The following VAV3 variants were observed in gnomAD, a reference collection of about 807,000 sequenced individuals.
The protein encoded by VAV3 is vav guanine nucleotide exchange factor 3, also known as guanine nucleotide exchange factor VAV3.
Under a neutral mutation model 131.2 loss-of-function variants are expected in VAV3, and 94 were observed. The ratio of observed to expected loss-of-function variants is 0.72; its 90% CI spans 0.61 to 0.85. The LOEUF is 0.85. VAV3 is among the 40% of genes least tolerant of loss of function. The pLI, the probability that VAV3 is intolerant of heterozygous loss-of-function variation, is 0.00. For missense variants in VAV3, 939 were observed against 1,002.7 expected, an observed-to-expected ratio of 0.94 and a Z score of 0.86; for synonymous variants, 349 against 342.0, an observed-to-expected ratio of 1.02 and a Z score of -0.22.
At chr1:107,901,268 TG>T (rs1671843290) in intron 1 of VAV3, among the ~76,000 whole-genome samples, 1 of 152,200 alleles carries the variant, frequency 6.6e-6, no homozygotes, top group Non-Finnish European at 1.5e-5. Flanking sequence ...TATTGGTTGG[TG>T]GTTCCTAAAT....
intron 15 of VAV3, among the ~76,000 whole-genome samples, chr1:107,732,346 T>C (rs1172625664): frequency 6.6e-6 from 1 of 152,178 alleles, no homozygotes; most frequent in Non-Finnish European, 1.5e-5. Context: ...ACCTGGTTCA[T>C]CTCACTGGGA....
intron 1 of VAV3, among the ~76,000 whole-genome samples, chr1:107,902,859 T>C (rs968844632): frequency 2.0e-5 from 3 of 152,206 alleles, no homozygotes; most frequent in African/African-American, 4.8e-5. Flanking sequence ...CATACCCGTA[T>C]TTGCCATAAC....
At chr1:107,688,490 AAAC>A in intron 17 of VAV3, 84 bp from the exon 18 acceptor site, 1 of 1,597,302 alleles carries the variant, frequency 6.3e-7, no homozygotes, top group Non-Finnish European at 8.5e-7. Context: ...CAGAGTGGTA[AAAC>A]ACCACTGCTT....
chr1:107,945,727 C>T (rs936330421), intron 1 of VAV3, among the ~76,000 whole-genome samples: 21 of 150,030 alleles, frequency 1.4e-4, no homozygotes, highest in South Asian at 1.3e-3. Context: ...GAGGCTGAGG[C>T]GGGAGAATCG....
intron 1 of VAV3, among the ~76,000 whole-genome samples, chr1:107,956,466 C>A (rs960704553): frequency 2.0e-5 from 3 of 152,054 alleles, no homozygotes; most frequent in African/African-American, 7.2e-5. Context: ...ACTGATAAGC[C>A]TTTGAAACGT....
chr1:107,632,185 G>T (rs538638638), intron 20 of VAV3, among the ~76,000 whole-genome samples: 1 of 152,172 alleles, frequency 6.6e-6, no homozygotes, highest in South Asian at 2.1e-4. Flanking sequence ...AAATTACCAT[G>T]GTCTCTTACC....
intron 25 of VAV3, among the ~76,000 whole-genome samples, chr1:107,589,576 T>G (rs1389721410): frequency 6.6e-6 from 1 of 152,264 alleles, no homozygotes; most frequent in Non-Finnish European, 1.5e-5. Context: ...TCTGTTGTTT[T>G]AAGCCACTTG....
intron 1 of VAV3, among the ~76,000 whole-genome samples, chr1:107,938,997 C>A (rs1057499640): frequency 6.6e-6 from 1 of 152,148 alleles, no homozygotes; most frequent in Admixed American, 6.5e-5. Context: ...TGATTCTGTA[C>A]CTCACTTCCA....
At chr1:107,916,622 T>C (rs1672632543) in intron 1 of VAV3, among the ~76,000 whole-genome samples, 1 of 152,210 alleles carries the variant, frequency 6.6e-6, no homozygotes, top group Admixed American at 6.5e-5. Context: ...ATGCAAATTA[T>C]ACAAAGATGT....
intron 2 of VAV3, among the ~76,000 whole-genome samples, chr1:107,861,080 G>T (rs1571057528): frequency 6.6e-6 from 1 of 151,636 alleles, no homozygotes. Context: ...TGGAACTGTT[G>T]CTACTTAAGA....
At chr1:107,686,034 T>TGGGGGG (rs554715740) in intron 18 of VAV3, 15 of 85,068 alleles carry the variant, frequency 1.8e-4, no homozygotes, top group Non-Finnish European at 2.3e-4. Flanking sequence ...GTTGGGGGGG[T>TGGGGGG]GGGGGGGGAG....
intron 2 of VAV3, among the ~76,000 whole-genome samples, chr1:107,813,574 C>T (rs890003650): frequency 4.6e-5 from 7 of 152,144 alleles, no homozygotes; most frequent in African/African-American, 1.7e-4. Flanking sequence ...TTATAATAAC[C>T]ACCACCTCAA....
intron 2 of VAV3, among the ~76,000 whole-genome samples, chr1:107,796,733 A>G (rs1043029136): frequency 1.4e-4 from 21 of 151,582 alleles, no homozygotes; most frequent in African/African-American, 4.6e-4. Flanking sequence ...GACAGAGTCA[A>G]TAAGTTATGT....
intron 2 of VAV3, among the ~76,000 whole-genome samples, chr1:107,826,469 T>C (rs1027161628): frequency 9.9e-5 from 15 of 152,204 alleles, no homozygotes; most frequent in African/African-American, 3.4e-4. Context: ...TGAGCCCTCC[T>C]GCATTATAGT....
At chr1:107,931,138 A>G (rs755989856) in intron 1 of VAV3, among the ~76,000 whole-genome samples, 17 of 152,220 alleles carry the variant, frequency 1.1e-4, no homozygotes, top group Non-Finnish European at 2.2e-4. Context: ...AGCCAAGTGT[A>G]GAGGAAACAT....
intron 21 of VAV3, among the ~76,000 whole-genome samples, chr1:107,610,553 C>T (rs1652648938): frequency 6.6e-6 from 1 of 152,054 alleles, no homozygotes; most frequent in South Asian, 2.1e-4. Context: ...TAATAAATTC[C>T]AAATTCTGAT....
intron 1 of VAV3, among the ~76,000 whole-genome samples, chr1:107,911,567 A>C (rs550394607): frequency 6.6e-6 from 1 of 152,366 alleles, no homozygotes; most frequent in Admixed American, 6.5e-5. Context: ...GATAAATAAA[A>C]CATAAATCAA....
intron 1 of VAV3, among the ~76,000 whole-genome samples, chr1:107,911,277 G>A (rs1272406710): frequency 2.0e-5 from 3 of 152,174 alleles, no homozygotes; most frequent in Non-Finnish European, 4.4e-5. Context: ...GTATATATCT[G>A]TGTATTGTAT....
chr1:107,895,395 A>G (rs1671517623), intron 1 of VAV3, among the ~76,000 whole-genome samples: 2 of 152,228 alleles, frequency 1.3e-5, no homozygotes, highest in Non-Finnish European at 2.9e-5. Context: ...CTGAAAAATA[A>G]TAATTAGTAG....
Sources: gnomAD v4.1 joint callset for allele counts (sites outside exome capture counted in the v4.1 genomes callset) on GRCh38, gnomAD v4.1.1 for gene constraint, MANE v1.5 for transcripts, NCBI Gene and HGNC (gene_info 2026-07-23, HGNC 2026-07-21) for gene names.